TMEM114: variants seen among roughly 807,000 people sequenced by gnomAD.
TMEM114 encodes the protein transmembrane protein 114.
In TMEM114, 6 loss-of-function variants were observed where a neutral mutation model predicts 6.2. The ratio of observed to expected loss-of-function variants is 0.97; its 90% CI spans 0.53 to 1.91. The LOEUF is 1.91. Among genes scored for constraint, TMEM114 ranks in the 40% most tolerant of loss-of-function variants. TMEM114 has a pLI of 0.01. For missense variants in TMEM114, 218 were observed against 158.3 expected, an observed-to-expected ratio of 1.38 and a Z score of -2.02; for synonymous variants, 104 against 73.0, an observed-to-expected ratio of 1.42 and a Z score of -2.16.
chr16:8,553,742 A>G (rs1471778685), intron 2 of TMEM114, among the ~76,000 whole-genome samples: 2 of 151,626 alleles, frequency 1.3e-5, no homozygotes, highest in African/African-American at 2.4e-5. Flanking sequence ...CGGCCTCCCA[A>G]AGTGCTGGGA....
downstream of TMEM114, among the ~76,000 whole-genome samples, chr16:8,565,333 TG>T (rs1211335593): frequency 6.6e-6 from 1 of 152,144 alleles, no homozygotes; most frequent in African/African-American, 2.4e-5. Context: ...AGTAAATGAA[TG>T]GATGGGTGGG....
At chr16:8,544,960 G>T (rs562620352) in intron 2 of TMEM114, among the ~76,000 whole-genome samples, 1 of 147,160 alleles carries the variant, frequency 6.8e-6, no homozygotes, top group South Asian at 2.2e-4. Context: ...CCCCAACCCC[G>T]TAATATCTTA....
At chr16:8,529,309 G>A in the TMEM114 span, among the ~76,000 whole-genome samples, 1 of 152,184 alleles carries the variant, frequency 6.6e-6, no homozygotes, top group Non-Finnish European at 1.5e-5. Flanking sequence ...TTCTGACCAG[G>A]ACTCCCCAAA....
chr16:8,589,821 G>C lies in TMEM114; in HGVS notation c.18C>G (p.Gly6=). Residue 6 remains glycine, a synonymous_variant, in exon 1 of 4, where the codon GGC becomes GGG. Transcript: ENST00000620492. Reference sequence around the variant, plus strand: ...TCAGCGCAGCCGCGCCGGCCAGCCCGCCCAGGTGCACCCGCATCGCCGAGC... The same window carrying C: ...TCAGCGCAGCCGCGCCGGCCAGCCCCCCCAGGTGCACCCGCATCGCCGAGC... MRVHL[G]GLAGAAALTG... 1 of 398,136 alleles carries C rather than the reference G, an allele frequency of 2.5e-6. No individual in the cohort carries two copies. The highest frequency in any genetic ancestry group is 4.4e-6 in the Non-Finnish European group (1 of 225,882). 24.7% of individuals were successfully genotyped at this position (398,136 alleles called of 1,614,324 possible).
At chr16:8,568,639 C>A (rs1013194061), downstream of TMEM114, among the ~76,000 whole-genome samples, 1 of 152,146 alleles carries the variant, frequency 6.6e-6, no homozygotes, top group Non-Finnish European at 1.5e-5. Flanking sequence ...TCTTTTAATC[C>A]ACACCAGTAT....
chr16:8,527,287 A>G, the TMEM114 span, among the ~76,000 whole-genome samples: 3 of 152,192 alleles, frequency 2.0e-5, no homozygotes, highest in African/African-American at 4.8e-5. Context: ...TCATGAAGCC[A>G]TGAGATCTTC....
At chr16:8,573,623 C>G (rs1901811701) in intron 2 of TMEM114, among the ~76,000 whole-genome samples, 1 of 152,068 alleles carries the variant, frequency 6.6e-6, no homozygotes, top group Non-Finnish European at 1.5e-5. Flanking sequence ...TGGTTGTTTA[C>G]TATGAGCTGG....
chr16:8,564,167 G>A (rs1901420472), intron 2 of TMEM114, among the ~76,000 whole-genome samples: 2 of 151,602 alleles, frequency 1.3e-5, no homozygotes, highest in South Asian at 2.1e-4. Flanking sequence ...GTGAATGAGT[G>A]AGTAAATGAG....
downstream of TMEM114, among the ~76,000 whole-genome samples, chr16:8,567,330 G>A (rs987382790): frequency 6.6e-6 from 1 of 152,106 alleles, no homozygotes; most frequent in Non-Finnish European, 1.5e-5. Context: ...GATTTTCTTG[G>A]CCACCCCCAT....
chr16:8,542,173 G>C (rs1156593980), intron 2 of TMEM114, among the ~76,000 whole-genome samples: 1 of 151,968 alleles, frequency 6.6e-6, no homozygotes, highest in Non-Finnish European at 1.5e-5. Flanking sequence ...AGGAGGATGT[G>C]AAACCAGGTA....
chr16:8,564,730 TGAGG>T (rs1419941520), downstream of TMEM114, among the ~76,000 whole-genome samples: 2 of 148,180 alleles, frequency 1.3e-5, no homozygotes, highest in East Asian at 4.0e-4. Context: ...AATGAGTGAG[TGAGG>T]GAGGGAGGGA....
chr16:8,576,738 G>GGAAGGAAGGAAGGAAGGAAGGAAA lies in TMEM114; in HGVS notation c.302-4515_302-4514insTTTCCTTCCTTCCTTCCTTCCTTC, dbSNP rs1567208910. 1.0e-3 allele frequency among the ~76,000 whole-genome samples: 154 copies of GGAAGGAAGGAAGGAAGGAAGGAAA among 150,420 alleles called. 1 individual carries two copies. The highest frequency in any genetic ancestry group is 3.5e-3 in the African/African-American group (145 of 41,052). On this transcript the variant is annotated intron_variant, in intron 2 of 3. Coordinates refer to ENST00000620492, the MANE Select transcript of TMEM114 (RefSeq NM_001146336.2). ...AGGAAGGAAGGAAGGAAGGAAGGAA[G>GGAAGGAAGGAAGGAAGGAAGGAAA]GAAGGAAGGAAGGAAGGAAGGAAGG... is the stretch of plus-strand genomic sequence containing the variant.
rs1179795918 is a variant in TMEM114, at chr16:8,569,920, C to G, written c.525G>C (p.Lys175Asn). The change falls in exon 4 of 4, where the codon AAG becomes AAC. Residue 175 changes from lysine (K) to asparagine (N), a missense_variant. Physicochemically the swap from Lys to Asn is moderately conservative, Grantham distance 94. Coordinates refer to ENST00000620492, the MANE Select transcript of TMEM114 (RefSeq NM_001146336.2). ...FREALCLLEEKALLDQVDISF... is the reference protein window; with the variant it reads ...FREALCLLEENALLDQVDISF... ...TGATGTCCACCTGGTCCAGGAGGGCCTTCTCCTCCAAGAGACACAGCGCCT... is the reference window on the plus strand; with the variant it reads ...TGATGTCCACCTGGTCCAGGAGGGCGTTCTCCTCCAAGAGACACAGCGCCT... 2 of 1,551,086 alleles carry G rather than the reference C, an allele frequency of 1.3e-6. No individual in the cohort carries two copies. The highest frequency in any genetic ancestry group is 2.0e-5 in the Admixed American group (1 of 50,994).
chr16:8,573,278 A>C (rs1355629634), intron 2 of TMEM114, among the ~76,000 whole-genome samples: 1 of 152,236 alleles, frequency 6.6e-6, no homozygotes, highest in Admixed American at 6.5e-5. Context: ...CCCGGGTTGC[A>C]GAGCCAAACG....
intron 2 of TMEM114, among the ~76,000 whole-genome samples, chr16:8,580,313 C>G (rs1902093088): frequency 6.6e-6 from 1 of 152,060 alleles, no homozygotes; most frequent in Non-Finnish European, 1.5e-5. Context: ...ATGGCGAAAA[C>G]CCGTCTCTAC....
chr16:8,532,939 A>G (rs1181112217), downstream of TMEM114, among the ~76,000 whole-genome samples: 1 of 152,176 alleles, frequency 6.6e-6, no homozygotes, highest in Non-Finnish European at 1.5e-5. Flanking sequence ...AAGGAAAAAA[A>G]ATAAAGAAAA....
the TMEM114 span, among the ~76,000 whole-genome samples, chr16:8,529,752 T>A: frequency 6.6e-6 from 1 of 151,184 alleles, no homozygotes; most frequent in African/African-American, 2.4e-5. Context: ...AAAGTCCTGA[T>A]GTCTCAAGTC....
intron 2 of TMEM114, among the ~76,000 whole-genome samples, chr16:8,551,628 T>C (rs992096326): frequency 2.0e-5 from 3 of 152,252 alleles, no homozygotes; most frequent in East Asian, 1.9e-4. Context: ...ACAAGAAACA[T>C]TGACTTTCTG....
At chr16:8,576,602 T>A (rs1040020597) in intron 2 of TMEM114, among the ~76,000 whole-genome samples, 1 of 152,158 alleles carries the variant, frequency 6.6e-6, no homozygotes. Flanking sequence ...TTTCTTGTGA[T>A]GTATTCTTGC....
Sources: gnomAD v4.1 joint callset for allele counts (sites outside exome capture counted in the v4.1 genomes callset) on GRCh38, gnomAD v4.1.1 for gene constraint, MANE v1.5 for transcripts, NCBI Gene and HGNC (gene_info 2026-07-23, HGNC 2026-07-21) for gene names.